QSER1: variants seen among roughly 807,000 people sequenced by gnomAD.
The protein encoded by QSER1 is glutamine and serine-rich protein 1.
Under a neutral mutation model 158.5 loss-of-function variants are expected in QSER1, and 49 were observed. That is an observed-to-expected ratio of 0.31 (90% CI 0.25 to 0.39). The LOEUF (loss-of-function observed/expected upper bound fraction) is 0.39. Ranked by LOEUF, QSER1 falls within the 10% of genes least tolerant of loss-of-function variation. The probability of loss-of-function intolerance (pLI) is 1.00; values close to 1 mark genes in which losing one functional copy is unlikely to be tolerated. For missense variants in QSER1, 1,754 were observed against 2,010.3 expected (o/e 0.87, Z 2.44); for synonymous variants, 650 against 715.5 (o/e 0.91, Z 1.46).
chr11:32,959,294 A>G (rs1852579843), intron 8 of QSER1, among the ~76,000 whole-genome samples: 1 of 152,228 alleles, frequency 6.6e-6, no homozygotes, highest in Non-Finnish European at 1.5e-5. Flanking sequence ...ATATTTACCT[A>G]TAGCCCTTTA....
At chr11:32,951,075 T>C (rs1374778490) in intron 4 of QSER1, among the ~76,000 whole-genome samples, 2 of 152,250 alleles carry the variant, frequency 1.3e-5, no homozygotes, top group Admixed American at 1.3e-4. Flanking sequence ...CCAATGTGGC[T>C]GTACCATTTT....
chr11:32,976,297 A>G (rs750832938), intron 12 of QSER1, 37 bp from the exon 13 acceptor site: 2 of 1,510,988 alleles, frequency 1.3e-6, no homozygotes, highest in Non-Finnish European at 1.8e-6. Context: ...ATATGATGTG[A>G]TAAGTATAAG....
chr11:32,893,683 G>T lies in QSER1; in HGVS notation c.209+349G>T, dbSNP rs1374956290. On this transcript the variant is annotated intron_variant, in intron 1 of 12. Coordinates refer to ENST00000650167, the MANE Select transcript of QSER1 (RefSeq NM_001076786.3). The surrounding 1 kb of genome is among the most constrained non-coding windows in gnomAD (Gnocchi z 4.7). ...CAGGATTGGCGCCGGGGGTCCGAAG[G>T]GGGCGCCGGAGAGTTTGGGGCAGTG... is the stretch of plus-strand genomic sequence containing the variant. 1.3e-5 allele frequency among the ~76,000 whole-genome samples: 2 copies of T among 152,178 alleles called. No individual in the cohort carries two copies. Among genetic ancestry groups the T allele is most frequent in the Non-Finnish European group, 2.9e-5 (2 of 68,014 alleles).
At chr11:32,924,831 C>T (rs1851947072) in intron 1 of QSER1, among the ~76,000 whole-genome samples, 1 of 152,128 alleles carries the variant, frequency 6.6e-6, no homozygotes, top group African/African-American at 2.4e-5. Context: ...GATCCTGTCA[C>T]CTGGGTACTG....
intron 1 of QSER1, among the ~76,000 whole-genome samples, chr11:32,906,920 G>C (rs917432887): frequency 6.6e-6 from 1 of 152,096 alleles, no homozygotes. Flanking sequence ...TAGTATGAAA[G>C]AGAACTCTGA....
At chr11:32,929,439 T>C (rs1334831666) in intron 3 of QSER1, among the ~76,000 whole-genome samples, 6 of 152,220 alleles carry the variant, frequency 3.9e-5, no homozygotes, top group Non-Finnish European at 8.8e-5. Context: ...ATCCCATAAG[T>C]GAATTGCATT....
intron 4 of QSER1, among the ~76,000 whole-genome samples, chr11:32,950,017 A>G (rs1483849216): frequency 6.6e-6 from 1 of 152,184 alleles, no homozygotes; most frequent in African/African-American, 2.4e-5. Flanking sequence ...TTCAGAGTAC[A>G]GCTTTTGCAT....
intron 8 of QSER1, among the ~76,000 whole-genome samples, chr11:32,962,534 A>G (rs1852642718): frequency 6.6e-6 from 1 of 152,146 alleles, no homozygotes; most frequent in Non-Finnish European, 1.5e-5. Flanking sequence ...AGCCCAATTT[A>G]CTTATTTTTT....
At chr11:32,971,932 A>G (rs1819291531) in intron 10 of QSER1, among the ~76,000 whole-genome samples, 1 of 151,766 alleles carries the variant, frequency 6.6e-6, no homozygotes, top group Admixed American at 6.6e-5. Context: ...GCGTGGTGTC[A>G]GGCGCCTGTA....
chr11:32,957,291 G>A (rs1348618467), intron 7 of QSER1, among the ~76,000 whole-genome samples: 1 of 151,552 alleles, frequency 6.6e-6, no homozygotes, highest in African/African-American at 2.4e-5. Context: ...ACAGGCGCCC[G>A]CCACCACTCC....
intron 7 of QSER1, among the ~76,000 whole-genome samples, chr11:32,957,554 C>A (rs191915244): frequency 0.024 from 3,609 of 149,840 alleles, 69 homozygotes; most frequent in African/African-American, 0.057. Flanking sequence ...GCCCACTGAT[C>A]ATCTGTTGTA....
At position 32,935,448 on chromosome 11, in the gene QSER1, A is replaced by G. The variant is rs1259891085; in HGVS notation, c.4177+13A>G. ...AAGAAGAAAACAGGTAAAGTTTTAC[A>G]ATTTAGATTCATAATTATTACTTTC... On this transcript the variant is annotated intron_variant, in intron 4 of 12. Coordinates refer to ENST00000650167, the MANE Select transcript of QSER1 (RefSeq NM_001076786.3). 6.9e-7 allele frequency: 1 copy of G among 1,457,056 alleles called. No individual in the cohort carries two copies. The highest frequency in any genetic ancestry group is 2.3e-5 in the East Asian group (1 of 43,176). The allele number at this position is 1,457,056 out of a possible 1,614,324, so 90.3% of individuals were successfully genotyped here.
chr11:32,975,178 T>C, intron 11 of QSER1, 70 bp from the exon 12 acceptor site: 1 of 1,095,596 alleles, frequency 9.1e-7, no homozygotes, highest in Non-Finnish European at 1.3e-6. Flanking sequence ...TTTGATCTAG[T>C]ATTTTCCTCA....
intron 10 of QSER1, among the ~76,000 whole-genome samples, chr11:32,972,909 C>T (rs1852896027): frequency 6.6e-6 from 1 of 152,216 alleles, no homozygotes; most frequent in Non-Finnish European, 1.5e-5. Context: ...CCTCTGTCGT[C>T]ATCTTCACCA....
rs868633192 is a variant in QSER1 at position 32,942,917 on chromosome 11, G to A, written c.4177+7482G>A. ...ATCCTCTTTTATTTCATTGAGCAGC[G>A]GTTTGTAGTTCTCCTTGAAGAGGTC... On this transcript the variant is annotated intron_variant, in intron 4 of 12. Transcript: ENST00000650167. Among the ~76,000 whole-genome samples the A allele has an allele frequency of 7.2e-4, 110 of 152,162 alleles. 2 individuals are homozygous for A. In the South Asian group the frequency reaches 0.01, roughly 14 times the overall value.
intron 7 of QSER1, among the ~76,000 whole-genome samples, chr11:32,957,341 A>G (rs561261538): frequency 6.6e-6 from 1 of 151,212 alleles, no homozygotes; most frequent in Non-Finnish European, 1.5e-5. Flanking sequence ...GGGTTTCACT[A>G]TGTTGGCCAG....
intron 1 of QSER1, among the ~76,000 whole-genome samples, chr11:32,913,556 G>T (rs1851797537): frequency 6.6e-6 from 1 of 152,110 alleles, no homozygotes; most frequent in Non-Finnish European, 1.5e-5. Context: ...ATTGTGTTAT[G>T]TTTATTTACT....
chr11:32,951,608 C>A (rs1852423587), intron 4 of QSER1, among the ~76,000 whole-genome samples: 1 of 152,068 alleles, frequency 6.6e-6, no homozygotes, highest in South Asian at 2.1e-4. Context: ...TTTCTTTGAA[C>A]AGTGTTTTTA....
chr11:32,918,423 G>T (rs1405619334), intron 1 of QSER1, among the ~76,000 whole-genome samples: 1 of 151,832 alleles, frequency 6.6e-6, no homozygotes, highest in African/African-American at 2.4e-5. Context: ...GGTGGTCAGG[G>T]AAATCTTGAG....
Sources: allele counts gnomAD v4.1 joint callset (sites outside exome capture counted in the v4.1 genomes callset), GRCh38; gene constraint gnomAD v4.1.1; non-coding constraint Gnocchi (gnomAD v3.1); transcripts MANE v1.5; gene names NCBI Gene and HGNC (gene_info 2026-07-23, HGNC 2026-07-21).